The following EIF2B1 variants were observed in gnomAD, a reference collection of about 807,000 sequenced individuals.
The protein encoded by EIF2B1 is translation initiation factor eIF2B subunit alpha.
In EIF2B1, 30 loss-of-function variants were observed where a neutral mutation model predicts 36.8. The ratio of observed to expected loss-of-function variants is 0.81; its 90% CI spans 0.61 to 1.10. The LOEUF (loss-of-function observed/expected upper bound fraction) is 1.10, where lower values mean the gene tolerates loss of function less well. EIF2B1 is among the 50% of genes least tolerant of loss of function. EIF2B1 has a pLI of 0.00. For synonymous variants in EIF2B1, 139 were observed against 142.2 expected (o/e 0.98, Z 0.16); for missense variants, 271 against 374.8 (o/e 0.72, Z 2.29).
At chr12:123,624,577 T>C (rs145822873) in intron 7 of EIF2B1, among the ~76,000 whole-genome samples, 148 of 152,296 alleles carry the variant, frequency 9.7e-4, no homozygotes, top group African/African-American at 3.4e-3. Flanking sequence ...ATTGTCTTCA[T>C]TTATGTAGAT....
chr12:123,626,466 G>A lies in EIF2B1; in HGVS notation c.510C>T (p.His170=), dbSNP rs938664884. The A allele has an allele frequency of 1.3e-5, 21 of 1,614,054 alleles. No homozygotes were observed. The highest frequency in any genetic ancestry group is 8.9e-5 in the East Asian group (4 of 44,900). Residue 170 remains histidine (H), a synonymous_variant, in exon 6 of 9, where the codon CAC becomes CAT. Coordinates refer to ENST00000424014, the MANE Select transcript of EIF2B1 (RefSeq NM_001414.4). ...GCACCACAGTGACAGGGACGTTGAG[G>A]TGGCAGAGGGCTTTGGCCATTTTCT... ...SGKKMAKALC[H]LNVPVTVVLD...
At position 123,632,330 on chromosome 12, in the gene EIF2B1, T is replaced by C. The variant is rs750233466; in HGVS notation, c.115+15A>G. On this transcript the variant is annotated intron_variant, in intron 2 of 8. Coordinates refer to ENST00000424014, the MANE Select transcript of EIF2B1 (RefSeq NM_001414.4). ...TCCTAAGTCCCAGAGTGTTAACAGA[T>C]GACTCTCTATATACCTTTATCTCTC... 2.6e-6 allele frequency: 4 copies of C among 1,538,626 alleles called. No homozygotes were observed. In the Admixed American group the frequency reaches 5.0e-5, roughly 19 times the overall value.
At chr12:123,622,063 C>T (rs1489424528) in intron 8 of EIF2B1, 143 bp from the exon 9 acceptor site, 27 of 1,208,990 alleles carry the variant, frequency 2.2e-5, no homozygotes, top group Middle Eastern at 2.7e-4. Flanking sequence ...ACACTAGAGA[C>T]GAGGGCAGAG....
At chr12:123,628,872 T>C (rs991638475) in intron 4 of EIF2B1, among the ~76,000 whole-genome samples, 32 of 152,178 alleles carry the variant, frequency 2.1e-4, no homozygotes, top group Admixed American at 1.9e-3. Context: ...AGCTCTGCTA[T>C]AAATTTTGTC....
intron 6 of EIF2B1, 81 bp downstream of exon 6, chr12:123,626,344 T>A: frequency 6.4e-7 from 1 of 1,571,576 alleles, no homozygotes; most frequent in East Asian, 2.2e-5. Flanking sequence ...TGAACGGGAC[T>A]CAAACTTTCA....
intron 7 of EIF2B1, among the ~76,000 whole-genome samples, chr12:123,623,393 T>TA (rs1347787792): frequency 4.0e-5 from 6 of 151,810 alleles, no homozygotes; most frequent in African/African-American, 7.3e-5. Flanking sequence ...TCTCAAAAAA[T>TA]AAAAAAATTT....
At chr12:123,629,541 C>G (rs945430114) in intron 4 of EIF2B1, among the ~76,000 whole-genome samples, 4 of 152,170 alleles carry the variant, frequency 2.6e-5, no homozygotes, top group Admixed American at 6.5e-5. Flanking sequence ...CGCCTGTAAT[C>G]CCAGCACTTT....
At chr12:123,622,495 T>A in intron 8 of EIF2B1, 141 bp downstream of exon 8, 1 of 1,208,722 alleles carries the variant, frequency 8.3e-7, no homozygotes, top group Non-Finnish European at 1.2e-6. Flanking sequence ...GTGAGTCCAA[T>A]CACCAATTTA....
chr12:123,630,158 T>C lies in EIF2B1; in HGVS notation c.369+11A>G, dbSNP rs1007863823. 1 of 1,611,740 alleles carries C rather than the reference T, an allele frequency of 6.2e-7. No individual in the cohort carries two copies. Among genetic ancestry groups the C allele is most frequent in the Non-Finnish European group, 8.5e-7 (1 of 1,178,220 alleles). On this transcript the variant is annotated intron_variant, in intron 4 of 8. Transcript: ENST00000424014. This position sits in a 1 kb window ranked among gnomAD's most constrained non-coding sequence, Gnocchi z 4.6. ...TGCTCCTCCTTACCACCATGATGAT[T>C]ATCCACTCACCGCTCCATCTTTGAT...
rs528002915 is a variant in EIF2B1 at position 123,633,605 on chromosome 12, G to C, written c.-48C>G. ...CCAGGGGACCCGAGCCGCCCGCGCTGTCTCGAACGGGTCCGCCGGCCGCGC... is the reference window on the plus strand; with the variant it reads ...CCAGGGGACCCGAGCCGCCCGCGCTCTCTCGAACGGGTCCGCCGGCCGCGC... On this transcript the variant is annotated 5_prime_UTR_variant, in exon 1 of 9. Coordinates refer to ENST00000424014, the MANE Select transcript of EIF2B1 (RefSeq NM_001414.4). 29 of 1,603,276 alleles carry C rather than the reference G, an allele frequency of 1.8e-5. 1 individual carries two copies. The South Asian group carries it at 2.1e-4, about 12-fold the overall frequency.
chr12:123,623,370 G>A (rs1286195968), intron 7 of EIF2B1, among the ~76,000 whole-genome samples: 1 of 152,092 alleles, frequency 6.6e-6, no homozygotes, highest in Non-Finnish European at 1.5e-5. Flanking sequence ...TGGACAGCAA[G>A]AGTGAAACTC....
chr12:123,623,108 T>C (rs1042636866), intron 7 of EIF2B1, among the ~76,000 whole-genome samples: 36 of 147,214 alleles, frequency 2.4e-4, no homozygotes, highest in Admixed American at 5.4e-4. Context: ...AGGCTGGATG[T>C]GGTGGCTCAC....
Position 123,630,942 on chromosome 12 carries a change from CAT to C in EIF2B1, c.116-411_116-410del, listed in dbSNP as rs750596094. Among the ~76,000 whole-genome samples, 4 of 152,332 alleles carry C rather than the reference CAT, an allele frequency of 2.6e-5. No homozygotes were observed. Among genetic ancestry groups the C allele is most frequent in the Non-Finnish European group, 5.9e-5 (4 of 68,034 alleles). On this transcript the variant is annotated intron_variant, in intron 2 of 8. Transcript: ENST00000424014. The surrounding 1 kb of genome is among the most constrained non-coding windows in gnomAD (Gnocchi z 4.6). ...AAGACACTGGAGGTTGCCTTAAAGA[CAT>C]GTGTCTCTAGGCAAGCCCTTCAGAT...
chr12:123,632,496 A>C (rs1370903869), intron 1 of EIF2B1, 50 bp from the exon 2 acceptor site: 1 of 1,239,020 alleles, frequency 8.1e-7, no homozygotes, highest in African/African-American at 1.5e-5. Context: ...GCAGCCTATA[A>C]GGCAAGAGAG....
rs1220252735 is a variant in EIF2B1 at position 123,620,719 on chromosome 12, G to T, written c.*1037C>A. The T allele has an allele frequency of 6.7e-6, 1 of 149,720 alleles. No homozygotes were observed. The highest frequency in any genetic ancestry group is 2.5e-5 in the African/African-American group (1 of 40,716). 9.3% of individuals were successfully genotyped at this position (149,720 alleles called of 1,614,324 possible). ...TTCTGATTTTCAAAACCATTCCTCA[G>T]TATCTTCAGGCATTTGACCTCCTGA... On this transcript the variant is annotated 3_prime_UTR_variant, in exon 9 of 9. Coordinates refer to ENST00000424014, the MANE Select transcript of EIF2B1 (RefSeq NM_001414.4).
chr12:123,630,482 A>G lies in EIF2B1; in HGVS notation c.167T>C (p.Leu56Pro). The G allele has an allele frequency of 6.2e-7, 1 of 1,613,964 alleles. No individual in the cohort carries two copies. The highest frequency in any genetic ancestry group is 1.1e-5 in the South Asian group (1 of 91,078). The change falls in exon 3 of 9, where the codon CTG becomes CCG. Residue 56 changes from leucine (L) to proline (P), a missense_variant. By Grantham distance (98) the Leu-to-Pro change is moderately conservative (BLOSUM62 -3). Coordinates refer to ENST00000424014, the MANE Select transcript of EIF2B1 (RefSeq NM_001414.4). This position sits in a 1 kb window ranked among gnomAD's most constrained non-coding sequence, Gnocchi z 4.6. ...TGCCACAGAGGAGTCCACACCACAC[A>G]GGGTTTCTATGGCACTGGTGAGATT... ...RANLTSAIET[L>P]CGVDSSVAVS... is the part of the protein sequence containing the mutation.
intron 6 of EIF2B1, among the ~76,000 whole-genome samples, 186 bp from the exon 7 acceptor site, chr12:123,625,048 A>ACC (rs1473747078): frequency 6.6e-6 from 1 of 151,772 alleles, no homozygotes; most frequent in Non-Finnish European, 1.5e-5. Context: ...TCTGGTCATG[A>ACC]CCCTACAATG....
chr12:123,625,269 T>C (rs968927830), intron 6 of EIF2B1, among the ~76,000 whole-genome samples: 1 of 152,156 alleles, frequency 6.6e-6, no homozygotes, highest in Non-Finnish European at 1.5e-5. Flanking sequence ...TTTCTTTTTT[T>C]TTTTGAGACC....
rs1213257798 is a variant in EIF2B1, at chr12:123,633,657, C to G, written c.-100G>C. ...GCCTGCGAGCCAGTCTGACAGCGCG[C>G]TGCACACCTCCGCACCCCACTTCCG... is the stretch of plus-strand genomic sequence containing the variant. On this transcript the variant is annotated 5_prime_UTR_variant, in exon 1 of 9. Coordinates refer to ENST00000424014, the MANE Select transcript of EIF2B1 (RefSeq NM_001414.4). 1 of 1,556,944 alleles carries G rather than the reference C, an allele frequency of 6.4e-7. No individual in the cohort carries two copies. The highest frequency in any genetic ancestry group is 1.3e-5 in the African/African-American group (1 of 74,140).
Sources: gnomAD v4.1 joint callset for allele counts (sites outside exome capture counted in the v4.1 genomes callset) on GRCh38, gnomAD v4.1.1 for gene constraint, Gnocchi (gnomAD v3.1) non-coding constraint, MANE v1.5 for transcripts, NCBI Gene and HGNC (gene_info 2026-07-23, HGNC 2026-07-21) for gene names.